The following PRUNE1 variants were observed in gnomAD, a reference collection of about 807,000 sequenced individuals.
PRUNE1 encodes the protein prune exopolyphosphatase 1.
A neutral mutation model predicts 42.5 loss-of-function variants in PRUNE1; 25 were observed. The ratio of observed to expected loss-of-function variants is 0.59; its 90% CI spans 0.43 to 0.82. The LOEUF (loss-of-function observed/expected upper bound fraction) is 0.82, where lower values mean the gene tolerates loss of function less well. PRUNE1 is among the 40% of genes least tolerant of loss of function. The probability of loss-of-function intolerance (pLI) is 0.00; values close to 1 mark genes in which losing one functional copy is unlikely to be tolerated. For synonymous variants in PRUNE1, 203 were observed against 217.1 expected, an observed-to-expected ratio of 0.93 and a Z score of 0.57; for missense variants, 443 against 539.3, an observed-to-expected ratio of 0.82 and a Z score of 1.77.
intron 6 of PRUNE1, 107 bp downstream of exon 6, chr1:151,027,434 T>C: frequency 1.4e-6 from 1 of 730,448 alleles, no homozygotes; most frequent in Non-Finnish European, 2.3e-6. Context: ...ATGTATCTTG[T>C]GTCTATCTTT....
chr1:151,027,420 C>T, intron 6 of PRUNE1, 93 bp downstream of exon 6: 1 of 835,092 alleles, frequency 1.2e-6, no homozygotes, highest in Non-Finnish European at 2.0e-6. Flanking sequence ...GGCTCACCTC[C>T]AAAATGTATC....
At chr1:151,021,169 G>A (rs1242029455) in intron 3 of PRUNE1, among the ~76,000 whole-genome samples, 2 of 140,274 alleles carry the variant, frequency 1.4e-5, no homozygotes, top group Non-Finnish European at 3.1e-5. Flanking sequence ...AAAAAAATTA[G>A]CCAGGCCGGG....
intron 7 of PRUNE1, among the ~76,000 whole-genome samples, chr1:151,029,244 G>A (rs1312900237): frequency 6.6e-6 from 1 of 150,648 alleles, no homozygotes; most frequent in Admixed American, 6.6e-5. Flanking sequence ...ACGAAATCTA[G>A]TTAGAAGGAA....
intron 1 of PRUNE1, among the ~76,000 whole-genome samples, chr1:151,015,799 T>TAA (rs1211625178): frequency 2.6e-5 from 4 of 151,964 alleles, no homozygotes; most frequent in African/African-American, 7.3e-5. Context: ...TGAGACCCTG[T>TAA]CTCAAAAAGT....
At chr1:151,012,026 C>T in intron 1 of PRUNE1, among the ~76,000 whole-genome samples, 1 of 152,064 alleles carries the variant, frequency 6.6e-6, no homozygotes, top group Non-Finnish European at 1.5e-5. Flanking sequence ...GTCGGCCCAC[C>T]TCGGCCTCCC....
intron 3 of PRUNE1, chr1:151,022,991 G>C (rs1674571716): frequency 6.6e-6 from 1 of 152,130 alleles, no homozygotes; most frequent in Admixed American, 6.6e-5. Flanking sequence ...AGCATGGTGA[G>C]CTAGGGGAAA....
At position 151,016,106 on chromosome 1, in the gene PRUNE1, G is replaced by A. The variant is rs587657307; in HGVS notation, c.40-1706G>A. On this transcript the variant is annotated intron_variant, in intron 1 of 7. Coordinates refer to ENST00000271620, the MANE Select transcript of PRUNE1 (RefSeq NM_021222.3). Reference sequence around the variant, plus strand: ...ACAAGAATTAGCCGGGCATCATGGCGCATGCCTATAGTCCCAGGTACTCAG... The same window carrying A: ...ACAAGAATTAGCCGGGCATCATGGCACATGCCTATAGTCCCAGGTACTCAG... Among the ~76,000 whole-genome samples, 12 of 152,200 alleles carry A rather than the reference G, an allele frequency of 7.9e-5. No homozygotes were observed. In the East Asian group the frequency reaches 1.2e-3, roughly 15 times the overall value.
intron 3 of PRUNE1, among the ~76,000 whole-genome samples, chr1:151,019,392 T>C (rs587687772): frequency 3.2e-4 from 48 of 151,978 alleles, no homozygotes; most frequent in South Asian, 1.0e-3. Context: ...ACCATGTCTT[T>C]ACAAAAAATT....
intron 7 of PRUNE1, among the ~76,000 whole-genome samples, chr1:151,031,659 G>T (rs1376242876): frequency 6.6e-6 from 1 of 152,142 alleles, no homozygotes; most frequent in Non-Finnish European, 1.5e-5. Context: ...TGAAGCCTCA[G>T]TTTCCCTGCA....
Position 151,025,634 on chromosome 1 carries a change from A to G in PRUNE1, c.640A>G (p.Ile214Val), listed in dbSNP as rs150450383. 557 of 1,613,894 alleles carry G rather than the reference A, an allele frequency of 3.5e-4. 1 individual carries two copies. In the African/African-American group the frequency reaches 6.6e-3, roughly 19 times the overall value. The change falls in exon 5 of 8, where the codon ATA (isoleucine) becomes GTA (valine). Residue 214 changes from isoleucine to valine, a missense_variant. By Grantham distance (29) the Ile-to-Val change is conservative. Transcript: ENST00000271620. ...LFPDLPKRND[I>V]FDSLQKAKFD... Reference sequence around the variant, plus strand: ...CCCAGACCTACCCAAGAGAAATGATATATTTGATTCCCTACAAAAGGCAAA... The same window carrying G: ...CCCAGACCTACCCAAGAGAAATGATGTATTTGATTCCCTACAAAAGGCAAA...
chr1:151,028,655 C>A (rs918684334), intron 6 of PRUNE1, 131 bp from the exon 7 acceptor site: 48 of 892,038 alleles, frequency 5.4e-5, no homozygotes, highest in Non-Finnish European at 2.8e-5. Context: ...AACTCCTGAC[C>A]TCAAGTGATC....
At chr1:151,015,940 TAGAA>T (rs967152634) in intron 1 of PRUNE1, among the ~76,000 whole-genome samples, 19 of 152,220 alleles carry the variant, frequency 1.2e-4, no homozygotes, top group Admixed American at 5.9e-4. Flanking sequence ...CAGGCTGAGA[TAGAA>T]GTTCAAAAGT....
At chr1:151,015,816 TAAAA>T (rs1477749572) in intron 1 of PRUNE1, among the ~76,000 whole-genome samples, 9 of 150,492 alleles carry the variant, frequency 6.0e-5, no homozygotes, top group African/African-American at 1.7e-4. Context: ...AAGTAAAAGT[TAAAA>T]AAAGAAAAAG....
chr1:151,028,776 T>G lies in PRUNE1; in HGVS notation c.775-10T>G, dbSNP rs755878294. On this transcript the variant is annotated splice_polypyrimidine_tract_variant and intron_variant, in intron 6 of 7. Transcript: ENST00000271620. ...AAGTCCTTCATCCCTCTCCGTTTCT[T>G]CCCTTTCAGGCCTTTCTGCAGAGGT... 2.4e-5 allele frequency: 38 copies of G among 1,611,784 alleles called. No homozygotes were observed. The highest frequency in any genetic ancestry group is 1.7e-4 in the Middle Eastern group (1 of 5,770).
At position 151,029,365 on chromosome 1, in the gene PRUNE1, G is replaced by GTTTT. The variant is rs34073279; in HGVS notation, c.933+440_933+443dup. Among the ~76,000 whole-genome samples the GTTTT allele has an allele frequency of 5.0e-3, 426 of 85,812 alleles. 10 individuals carry two copies. The highest frequency in any genetic ancestry group is 0.015 in the African/African-American group (406 of 26,578). The allele number at this position is 85,812 out of a possible 152,430, so 56.3% of individuals were successfully genotyped here. A position where few individuals can be genotyped will look rare whatever the true frequency, so the allele number is the denominator to read the frequency against. On this transcript the variant is annotated intron_variant, in intron 7 of 7. Transcript: ENST00000271620. Reference sequence around the variant, plus strand: ...GCAGAAGGATTGCTTAAGCTGGAAAGTTTTTTTTTTTTTTTTTTTTTTGAG... The same window carrying GTTTT: ...GCAGAAGGATTGCTTAAGCTGGAAAGTTTTTTTTTTTTTTTTTTTTTTTTTTGAG...
At chr1:151,023,649 C>T (rs1342673701) in intron 3 of PRUNE1, among the ~76,000 whole-genome samples, 3 of 148,680 alleles carry the variant, frequency 2.0e-5, no homozygotes, top group Admixed American at 6.8e-5. Flanking sequence ...ACCTGGGAGG[C>T]GGAGGTTGCA....
chr1:151,033,738 C>T (rs984459771), intron 7 of PRUNE1, 68 bp from the exon 8 acceptor site: 2 of 1,453,648 alleles, frequency 1.4e-6, no homozygotes, highest in East Asian at 2.3e-5. Context: ...GGAAGCCTCT[C>T]ACTTAGAAGC....
intron 1 of PRUNE1, 69 bp from the exon 2 acceptor site, chr1:151,017,743 T>TAA: frequency 2.1e-5 from 20 of 933,674 alleles, no homozygotes; most frequent in Middle Eastern, 3.7e-4. Flanking sequence ...ATATATTATT[T>TAA]AAAAAAAAAA....
Position 151,035,497 on chromosome 1 carries a change from T to C in PRUNE1, c.*1263T>C, listed in dbSNP as rs888865204. 1 of 152,614 alleles carries C rather than the reference T, an allele frequency of 6.6e-6. No individual in the cohort carries two copies. The allele number at this position is 152,614 out of a possible 1,614,324, so 9.5% of individuals were successfully genotyped here. A position where few individuals can be genotyped will look rare whatever the true frequency, so the allele number is the denominator to read the frequency against. On this transcript the variant is annotated 3_prime_UTR_variant, in exon 8 of 8. Coordinates refer to ENST00000271620, the MANE Select transcript of PRUNE1 (RefSeq NM_021222.3). ...ACCCCACAGCTCTGTTCCATGTAAGTTGCCAACAGTTTCACTGAACAGTGG... is the reference window on the plus strand; with the variant it reads ...ACCCCACAGCTCTGTTCCATGTAAGCTGCCAACAGTTTCACTGAACAGTGG...
Sources: allele counts gnomAD v4.1 joint callset (sites outside exome capture counted in the v4.1 genomes callset), GRCh38; gene constraint gnomAD v4.1.1; transcripts MANE v1.5; gene names NCBI Gene and HGNC (gene_info 2026-07-23, HGNC 2026-07-21).